Variants in GAB2 observed in about 807,000 individuals in gnomAD.
GAB2 encodes GRB2-associated-binding protein 2.
Under a neutral mutation model 65.5 loss-of-function variants are expected in GAB2, and 26 were observed. The ratio of observed to expected loss-of-function variants is 0.40; its 90% confidence interval spans 0.29 to 0.55. The LOEUF (loss-of-function observed/expected upper bound fraction) is 0.55. Among genes scored for constraint, GAB2 ranks in the 20% least tolerant of loss-of-function variants. GAB2 has a pLI of 0.53. For synonymous variants in GAB2, 321 were observed against 329.6 expected (o/e 0.97, Z 0.28); for missense variants, 884 against 875.8 (o/e 1.01, Z -0.12).
At chr11:78,236,696 T>C (rs1282408815) in intron 3 of GAB2, among the ~76,000 whole-genome samples, 5 of 152,256 alleles carry the variant, frequency 3.3e-5, no homozygotes, top group Admixed American at 3.3e-4. Context: ...AGTTGTCAAA[T>C]GCTTCCTCTG....
chr11:78,284,888 T>G (rs1211094583), intron 1 of GAB2, among the ~76,000 whole-genome samples: 1 of 152,190 alleles, frequency 6.6e-6, no homozygotes, highest in Admixed American at 6.5e-5. Context: ...AATATATATA[T>G]AATTAATGAA....
intron 1 of GAB2, among the ~76,000 whole-genome samples, chr11:78,281,272 T>TTTCA (rs537802479): frequency 2.9e-3 from 432 of 148,868 alleles, no homozygotes; most frequent in Non-Finnish European, 4.6e-3. Flanking sequence ...TGAGATGGAG[T>TTTCA]TTCACTCTTG....
chr11:78,321,465 CAT>C (rs983214343), intron 1 of GAB2, among the ~76,000 whole-genome samples: 14 of 152,136 alleles, frequency 9.2e-5, no homozygotes, highest in African/African-American at 3.4e-4. Context: ...AAAAATTGCT[CAT>C]GTCTTTTTAC....
intron 1 of GAB2, among the ~76,000 whole-genome samples, chr11:78,330,102 T>C (rs1855890153): frequency 6.6e-6 from 1 of 152,222 alleles, no homozygotes; most frequent in Non-Finnish European, 1.5e-5. Flanking sequence ...ATTAGTAGCT[T>C]CTCAAGTCTG....
At chr11:78,403,754 A>C (rs1045083908) in intron 1 of GAB2, among the ~76,000 whole-genome samples, 7 of 152,230 alleles carry the variant, frequency 4.6e-5, no homozygotes, top group African/African-American at 7.2e-5. Context: ...CATCAAGCTT[A>C]AAAGCTTTGA....
chr11:78,314,721 C>T (rs906967443), intron 1 of GAB2, among the ~76,000 whole-genome samples: 10 of 152,162 alleles, frequency 6.6e-5, no homozygotes, highest in East Asian at 3.9e-4. Flanking sequence ...CTTTAAATCC[C>T]GGAAGGTAAG....
intron 1 of GAB2, among the ~76,000 whole-genome samples, chr11:78,356,915 T>C (rs1457354104): frequency 6.6e-6 from 1 of 152,248 alleles, no homozygotes; most frequent in Non-Finnish European, 1.5e-5. Flanking sequence ...AAATACTGTA[T>C]GATCCCATTT....
rs1429042200 is a variant in GAB2 at position 78,373,717 on chromosome 11, C to T, written c.75+43929G>A. On this transcript the variant is annotated intron_variant, in intron 1 of 9. Coordinates refer to ENST00000361507, the MANE Select transcript of GAB2 (RefSeq NM_080491.3). ...GCTTAGAATAGAACCTGGCATGATA[C>T]TGGATTAATGTAGTCATTGTTATTA... is the stretch of plus-strand genomic sequence containing the variant. Among the ~76,000 whole-genome samples the T allele has an allele frequency of 3.4e-4, 52 of 152,164 alleles. 1 individual carries two copies. Among genetic ancestry groups the T allele is most frequent in the Admixed American group, 3.4e-3 (52 of 15,274 alleles).
intron 1 of GAB2, among the ~76,000 whole-genome samples, chr11:78,401,961 T>C (rs1272337999): frequency 6.6e-6 from 1 of 152,226 alleles, no homozygotes; most frequent in East Asian, 1.9e-4. Context: ...TATAGAATTA[T>C]TTATTTAAAT....
At chr11:78,409,886 T>A (rs1380857783) in intron 1 of GAB2, among the ~76,000 whole-genome samples, 1 of 152,124 alleles carries the variant, frequency 6.6e-6, no homozygotes, top group Non-Finnish European at 1.5e-5. Flanking sequence ...AAAATAAACC[T>A]TGACAAGTTA....
In GAB2 at chr11:78,265,389, C is replaced by A. The variant is rs547361214; in HGVS notation, c.377-14989G>T. ...TGCCCTCTCTTCACCTCTAGACACT[C>A]TGTCATTTGAGCAGTTTGGAACTAA... On this transcript the variant is annotated intron_variant, in intron 2 of 9. Transcript: ENST00000361507. Among the ~76,000 whole-genome samples, 31 of 152,174 alleles carry A rather than the reference C, an allele frequency of 2.0e-4. No individual in the cohort carries two copies. In the South Asian group the frequency reaches 5.4e-3, roughly 27 times the overall value.
At position 78,280,979 on chromosome 11, in the gene GAB2, G is replaced by C; in HGVS notation, c.76-78C>G. On this transcript the variant is annotated intron_variant, in intron 1 of 9. Coordinates refer to ENST00000361507, the MANE Select transcript of GAB2 (RefSeq NM_080491.3). The stretch of plus-strand genomic sequence containing the variant: ...TCAAAGCTTTTTTCTTTCAGAGACA[G>C]GTCTTGCCCTGTTGCCCAGGCTGGA... 4 of 1,246,332 alleles carry C rather than the reference G, an allele frequency of 3.2e-6. No individual in the cohort carries two copies. In the South Asian group the frequency reaches 5.5e-5, roughly 17 times the overall value. The allele number at this position is 1,246,332 out of a possible 1,614,324, so 77.2% of individuals were successfully genotyped here.
chr11:78,337,213 T>A (rs185811987), intron 1 of GAB2, among the ~76,000 whole-genome samples: 3 of 152,366 alleles, frequency 2.0e-5, no homozygotes, highest in Non-Finnish European at 4.4e-5. Context: ...CATTTGCTTC[T>A]CAGCGTAGAT....
intron 1 of GAB2, among the ~76,000 whole-genome samples, chr11:78,384,817 C>T (rs1418873625): frequency 6.6e-6 from 1 of 152,202 alleles, no homozygotes; most frequent in African/African-American, 2.4e-5. Flanking sequence ...AAGAGCTGTG[C>T]ATGTTCAACA....
chr11:78,398,659 A>G (rs559102396), intron 1 of GAB2, among the ~76,000 whole-genome samples: 6 of 152,254 alleles, frequency 3.9e-5, no homozygotes, highest in Non-Finnish European at 7.3e-5. Context: ...GTGATAACTG[A>G]TGTTGGTTAT....
At chr11:78,294,568 C>T (rs1033099965) in intron 1 of GAB2, among the ~76,000 whole-genome samples, 6 of 152,170 alleles carry the variant, frequency 3.9e-5, no homozygotes, top group Non-Finnish European at 5.9e-5. Flanking sequence ...CACATCCTCT[C>T]CAGCACCTGT....
At position 78,218,980 on chromosome 11, in the gene GAB2, G is replaced by A; in HGVS notation, c.*292C>T. On this transcript the variant is annotated 3_prime_UTR_variant, in exon 10 of 10. Transcript: ENST00000361507. ...GGTAGAGAGTCAGGTCTAAAGGACA[G>A]GAAGAGGCTGAAGGATGCTTTTTGG... is the stretch of plus-strand genomic sequence containing the variant. The A allele has an allele frequency of 2.7e-6, 1 of 370,572 alleles. No homozygotes were observed. Among genetic ancestry groups the A allele is most frequent in the African/African-American group, 2.1e-5 (1 of 48,684 alleles). 23.0% of individuals were successfully genotyped at this position (370,572 alleles called of 1,614,324 possible). A position where few individuals can be genotyped will look rare whatever the true frequency, so the allele number is the denominator to read the frequency against.
At chr11:78,277,902 C>A (rs1316769046) in intron 2 of GAB2, among the ~76,000 whole-genome samples, 4 of 152,204 alleles carry the variant, frequency 2.6e-5, no homozygotes, top group Admixed American at 2.6e-4. Context: ...CACCCCTCTT[C>A]TAAAACATGG....
At chr11:78,321,248 A>G (rs1225580015) in intron 1 of GAB2, among the ~76,000 whole-genome samples, 1 of 152,214 alleles carries the variant, frequency 6.6e-6, no homozygotes, top group Non-Finnish European at 1.5e-5. Flanking sequence ...GAGAGAGGAA[A>G]GAAGGGGAAC....
Sources: allele counts gnomAD v4.1 joint callset (sites outside exome capture counted in the v4.1 genomes callset), GRCh38; gene constraint gnomAD v4.1.1; transcripts MANE v1.5; gene names NCBI Gene and HGNC (gene_info 2026-07-23, HGNC 2026-07-21).